Variants in LIN7A observed in about 807,000 individuals in gnomAD.
The protein encoded by LIN7A is protein lin-7 homolog A.
Under a neutral mutation model 29.8 loss-of-function variants are expected in LIN7A, and 25 were observed. The ratio of observed to expected loss-of-function variants is 0.84; its 90% confidence interval spans 0.61 to 1.17. The LOEUF (loss-of-function observed/expected upper bound fraction) is 1.17. Among genes scored for constraint, LIN7A ranks in the 50% most tolerant of loss-of-function variants. LIN7A has a pLI of 0.00. For synonymous variants in LIN7A, 118 were observed against 107.5 expected, an observed-to-expected ratio of 1.10 and a Z score of -0.60; for missense variants, 239 against 287.0, an observed-to-expected ratio of 0.83 and a Z score of 1.21.
intron 4 of LIN7A, among the ~76,000 whole-genome samples, chr12:80,827,058 C>T (rs1187680031): frequency 6.6e-6 from 1 of 152,070 alleles, no homozygotes; most frequent in East Asian, 1.9e-4. Context: ...TTTCCCTGAG[C>T]CTCTCAGTTC....
At chr12:80,883,568 T>A (rs1273337257) in intron 2 of LIN7A, among the ~76,000 whole-genome samples, 1 of 152,190 alleles carries the variant, frequency 6.6e-6, no homozygotes, top group East Asian at 1.9e-4. Context: ...CCCTAACCTA[T>A]CAAAACACCA....
At chr12:80,824,393 A>G (rs1018286137) in intron 4 of LIN7A, among the ~76,000 whole-genome samples, 1 of 152,186 alleles carries the variant, frequency 6.6e-6, no homozygotes, top group Non-Finnish European at 1.5e-5. Context: ...CAACAAAAAA[A>G]AAAGTCCAGG....
intron 4 of LIN7A, among the ~76,000 whole-genome samples, chr12:80,825,222 T>A (rs1262747163): frequency 6.6e-6 from 1 of 152,178 alleles, no homozygotes; most frequent in Non-Finnish European, 1.5e-5. Flanking sequence ...AGGAGAGATC[T>A]GAGTGATAAG....
Position 80,908,481 on chromosome 12 carries a change from T to A in LIN7A, c.83-19112A>T, listed in dbSNP as rs75367298. Among the ~76,000 whole-genome samples the A allele has an allele frequency of 8.7e-4, 133 of 152,164 alleles. No individual in the cohort carries two copies. The East Asian group carries it at 0.024, about 28-fold the overall frequency. ...AAGTAAGTCTTATCAGAGTTAAATATCTATACACATATATGAGAATTTATT... is the reference window on the plus strand; with the variant it reads ...AAGTAAGTCTTATCAGAGTTAAATAACTATACACATATATGAGAATTTATT... On this transcript the variant is annotated intron_variant, in intron 1 of 5. Coordinates refer to ENST00000552864, the MANE Select transcript of LIN7A (RefSeq NM_004664.4).
At chr12:80,842,193 C>A in intron 4 of LIN7A, 7 of 1,167,122 alleles carry the variant, frequency 6.0e-6, no homozygotes, top group African/African-American at 1.6e-5. Flanking sequence ...ATTGATTTCC[C>A]CCCCTTTCCA....
At chr12:80,870,312 G>A (rs1592911606) in intron 2 of LIN7A, among the ~76,000 whole-genome samples, 1 of 152,134 alleles carries the variant, frequency 6.6e-6, no homozygotes, top group African/African-American at 2.4e-5. Context: ...CAAAATGAAC[G>A]ACTCCTCTAA....
chr12:80,803,455 C>G (rs1870816173), intron 5 of LIN7A, among the ~76,000 whole-genome samples: 1 of 152,122 alleles, frequency 6.6e-6, no homozygotes, highest in Non-Finnish European at 1.5e-5. Context: ...GGATTTATTT[C>G]TGGGTTCTCT....
chr12:80,807,073 T>TTTTTTTTTTTTTTTGTTG (rs1871043277), intron 5 of LIN7A, among the ~76,000 whole-genome samples: 1 of 52,626 alleles, frequency 1.9e-5, no homozygotes, highest in African/African-American at 7.3e-5. Context: ...GTTTTTTTTT[T>TTTTTTTTTTTTTTTGTTG]TTTTTTTTTT....
chr12:80,926,398 T>G (rs1479693509), intron 1 of LIN7A, among the ~76,000 whole-genome samples: 1 of 152,162 alleles, frequency 6.6e-6, no homozygotes, highest in African/African-American at 2.4e-5. Flanking sequence ...TTTTAACTTA[T>G]TATTTGAATA....
intron 2 of LIN7A, among the ~76,000 whole-genome samples, chr12:80,885,179 C>T (rs1431823671): frequency 6.6e-6 from 1 of 152,072 alleles, no homozygotes; most frequent in African/African-American, 2.4e-5. Flanking sequence ...GAGCTATTTG[C>T]ACTGCAATTC....
intron 2 of LIN7A, among the ~76,000 whole-genome samples, chr12:80,879,342 A>G (rs1253629562): frequency 6.6e-6 from 1 of 152,046 alleles, no homozygotes; most frequent in African/African-American, 2.4e-5. Context: ...TCCCAAGAAA[A>G]ATCCACTCAT....
At chr12:80,846,071 C>G (rs909567397) in intron 3 of LIN7A, 132 bp from the exon 4 acceptor site, 4 of 762,506 alleles carry the variant, frequency 5.2e-6, no homozygotes, top group Admixed American at 3.8e-5. Flanking sequence ...AGAAAGAACA[C>G]AAAAAGCAGA....
At chr12:80,827,718 C>T (rs1021167910) in intron 4 of LIN7A, among the ~76,000 whole-genome samples, 1 of 152,084 alleles carries the variant, frequency 6.6e-6, no homozygotes, top group African/African-American at 2.4e-5. Flanking sequence ...CCTTCCTCCA[C>T]TCTGTTTTAA....
At chr12:80,859,629 T>C (rs972341823) in intron 2 of LIN7A, among the ~76,000 whole-genome samples, 11 of 152,132 alleles carry the variant, frequency 7.2e-5, no homozygotes, top group African/African-American at 2.7e-4. Flanking sequence ...AAGACATCTT[T>C]TTAAAAAAAT....
intron 5 of LIN7A, among the ~76,000 whole-genome samples, chr12:80,806,868 G>A (rs1592847950): frequency 1.3e-5 from 2 of 152,088 alleles, no homozygotes; most frequent in Non-Finnish European, 2.9e-5. Context: ...TACCTGAAAT[G>A]GTCACTACAG....
At chr12:80,811,259 A>T (rs549511912) in intron 5 of LIN7A, among the ~76,000 whole-genome samples, 1 of 152,280 alleles carries the variant, frequency 6.6e-6, no homozygotes, top group East Asian at 1.9e-4. Context: ...AATGGCACAT[A>T]AACTATCTTG....
chr12:80,870,052 T>G (rs550206736), intron 2 of LIN7A, among the ~76,000 whole-genome samples: 2 of 152,288 alleles, frequency 1.3e-5, no homozygotes, highest in African/African-American at 4.8e-5. Flanking sequence ...GAGAAAAAAC[T>G]TGCCAGTTGC....
chr12:80,935,881 A>C (rs751474745), intron 1 of LIN7A: 1 of 426,662 alleles, frequency 2.3e-6, no homozygotes, highest in Non-Finnish European at 5.2e-6. Flanking sequence ...CCTCTCATCA[A>C]CCGACTGAGG....
chr12:80,850,827 G>A (rs1873294420), intron 2 of LIN7A, among the ~76,000 whole-genome samples: 1 of 152,140 alleles, frequency 6.6e-6, no homozygotes, highest in South Asian at 2.1e-4. Context: ...ATAAATATTT[G>A]TTGGAGTAAA....
Sources: allele counts gnomAD v4.1 joint callset (sites outside exome capture counted in the v4.1 genomes callset), GRCh38; gene constraint gnomAD v4.1.1; transcripts MANE v1.5; gene names NCBI Gene and HGNC (gene_info 2026-07-23, HGNC 2026-07-21).